The following DNHD1 variants were observed in gnomAD, a reference collection of about 807,000 sequenced individuals.
DNHD1 encodes dynein heavy chain domain 1, also known as dynein heavy chain domain-containing protein 1.
DNHD1 carries 383 observed loss-of-function variants against 458.1 expected under a neutral mutation model. The observed-to-expected ratio is 0.84, with a 90% confidence interval of 0.77 to 0.91. The LOEUF (loss-of-function observed/expected upper bound fraction) is 0.91, where lower values mean the gene tolerates loss of function less well. Among genes scored for constraint, DNHD1 ranks in the 40% least tolerant of loss-of-function variants. The probability of loss-of-function intolerance (pLI) is 0.00; values close to 1 mark genes in which losing one functional copy is unlikely to be tolerated. For synonymous variants in DNHD1, 2,203 were observed against 2,376.9 expected (o/e 0.93, Z 2.13); for missense variants, 5,336 against 5,866.1 (o/e 0.91, Z 2.95).
chr11:6,571,313 G>A lies in DNHD1; in HGVS notation c.13801G>A (p.Ala4601Thr), dbSNP rs1307488053. The A allele has an allele frequency of 3.7e-6, 6 of 1,612,212 alleles. No individual in the cohort carries two copies. The highest frequency in any genetic ancestry group is 1.7e-5 in the Admixed American group (1 of 59,920). The change falls in exon 42 of 43, where the codon GCC becomes ACC. Residue 4601 changes from alanine (A) to threonine (T), a missense_variant. Transcript: ENST00000254579. The surrounding 1 kb of genome is among the most constrained non-coding windows in gnomAD (Gnocchi z 5.0). ...RLLLALRGEA[A>T]LDQNVPSSNF... The stretch of plus-strand genomic sequence containing the variant: ...GCTGCTGGCATTGCGTGGGGAAGCT[G>A]CCCTGGACCAGAATGTGCCCAGCTC...
intron 4 of DNHD1, among the ~76,000 whole-genome samples, chr11:6,504,743 C>G (rs557330968): frequency 6.6e-6 from 1 of 152,322 alleles, no homozygotes; most frequent in Admixed American, 6.5e-5. Flanking sequence ...GCCAACGTGC[C>G]TGGCCCAGCC....
chr11:6,553,814 A>T (rs1853409422), intron 24 of DNHD1, among the ~76,000 whole-genome samples: 1 of 152,200 alleles, frequency 6.6e-6, no homozygotes, highest in Admixed American at 6.5e-5. Context: ...TACACTGAAA[A>T]TGACTAAATA....
Position 6,545,356 on chromosome 11 carries a change from C to T in DNHD1, c.4417C>T (p.Arg1473Ter). 5 of 1,551,746 alleles carry T rather than the reference C, an allele frequency of 3.2e-6. No individual in the cohort carries two copies. The highest frequency in any genetic ancestry group is 3.9e-5 in the Admixed American group (2 of 51,000). Residue 1473 changes from arginine to a stop codon, truncating the protein, a stop_gained, in exon 21 of 43, where the codon CGA becomes TGA. Transcript: ENST00000254579. LOFTEE classifies it high-confidence loss of function. The surrounding 1 kb of genome is among the most constrained non-coding windows in gnomAD (Gnocchi z 4.9). The part of the protein sequence containing the change: ...LQGCVAARLA[R>*]GPSLGEALKQ... ...GGGCTGTGTGGCTGCTCGCCTTGCT[C>T]GAGGCCCATCTCTAGGTGAGGCCCT...
chr11:6,548,899 C>T lies in DNHD1; in HGVS notation c.7353C>T (p.Leu2451=). The change falls in exon 24 of 43, where the codon CTC becomes CTT. Residue 2451 remains leucine (L), a synonymous_variant. Coordinates refer to ENST00000254579, the MANE Select transcript of DNHD1 (RefSeq NM_144666.3). This position sits in a 1 kb window ranked among gnomAD's most constrained non-coding sequence, Gnocchi z 4.4. The part of the protein sequence containing the change: ...GHHQDSKPSL[L]FLLEDLHLAT... ...ACCAGGATTCTAAACCCTCCCTCCT[C>T]TTCTTGCTGGAGGACCTGCACCTAG... 1.3e-6 allele frequency: 2 copies of T among 1,551,758 alleles called. No individual in the cohort carries two copies. Among genetic ancestry groups the T allele is most frequent in the Non-Finnish European group, 1.7e-6 (2 of 1,147,006 alleles).
At position 6,528,695 on chromosome 11, in the gene DNHD1, T is replaced by G; in HGVS notation, c.2011T>G (p.Tyr671Asp). ...EVRGCRLRGQ[Y>D]FPHNYKQLEE... ...CCGTGGATGTCGGCTGCGGGGCCAA[T>G]ACTTCCCCCACAATTATAAGCAGCT... Residue 671 changes from tyrosine (Y) to aspartate (D), a missense_variant, in exon 11 of 43, where the codon TAC (tyrosine) becomes GAC (aspartate). Around this residue, in one of 4 missense-constraint regions of DNHD1, gnomAD observed 3,932 missense variants for 4,365.6 expected, o/e 0.90. Transcript: ENST00000254579. 6.4e-7 allele frequency: 1 copy of G among 1,551,660 alleles called. No individual in the cohort carries two copies. The highest frequency in any genetic ancestry group is 8.7e-7 in the Non-Finnish European group (1 of 1,147,006).
At chr11:6,537,312 C>T (rs1852973876) in intron 14 of DNHD1, among the ~76,000 whole-genome samples, 1 of 152,046 alleles carries the variant, frequency 6.6e-6, no homozygotes, top group Non-Finnish European at 1.5e-5. Flanking sequence ...TTTTTATATT[C>T]ATCTTGCTGA....
Position 6,547,944 on chromosome 11 carries a change from G to T in DNHD1, c.6809G>T (p.Ser2270Ile). ...SSFLNRSQVD[S>I]DDVPDKCREH... ...TTTCTAAACCGGTCCCAGGTTGACA[G>T]TGACGATGTGCCAGATAAGTGCAGG... The change falls in exon 22 of 43, where the codon AGT becomes ATT. Residue 2270 changes from serine to isoleucine, a missense_variant. Coordinates refer to ENST00000254579, the MANE Select transcript of DNHD1 (RefSeq NM_144666.3). 6.4e-7 allele frequency: 1 copy of T among 1,551,932 alleles called. No homozygotes were observed.
rs1483799918 is a variant in DNHD1 at position 6,571,939 on chromosome 11, A to G, written c.14215A>G (p.Thr4739Ala). The G allele has an allele frequency of 7.4e-6, 12 of 1,613,444 alleles. No homozygotes were observed. Among genetic ancestry groups the G allele is most frequent in the Non-Finnish European group, 9.3e-6 (11 of 1,179,718 alleles). ...LPLPTKLTPN[T>A]CVQRRVHVCS... ...TTTACCCACCAAGCTCACCCCCAAC[A>G]CCTGTGTCCAAAGGAGGGTCCATGT... The change falls in exon 43 of 43, where the codon ACC becomes GCC. Residue 4739 changes from threonine to alanine, a missense_variant. By Grantham distance (58) the Thr-to-Ala change is moderately conservative. Transcript: ENST00000254579. This position sits in a 1 kb window ranked among gnomAD's most constrained non-coding sequence, Gnocchi z 5.0.
At chr11:6,570,550 G>A (rs1395306900) in intron 41 of DNHD1, 68 bp from the exon 42 acceptor site, 4 of 1,494,838 alleles carry the variant, frequency 2.7e-6, no homozygotes, top group Admixed American at 2.2e-5. Context: ...TCAGAGGAAG[G>A]CCTACTCTCT....
In DNHD1 at chr11:6,571,301, C is replaced by T. The variant is rs1208265806; in HGVS notation, c.13789C>T (p.Arg4597Cys). 1 of 1,612,154 alleles carries T rather than the reference C, an allele frequency of 6.2e-7. No homozygotes were observed. The highest frequency in any genetic ancestry group is 1.1e-5 in the South Asian group (1 of 90,834). The part of the protein sequence containing the change: ...RHPRRLLLAL[R>C]GEAALDQNVP... ...CCCGCGCCGCCTGCTGCTGGCATTG[C>T]GTGGGGAAGCTGCCCTGGACCAGAA... The change falls in exon 42 of 43, where the codon CGT becomes TGT. Residue 4597 changes from arginine (R) to cysteine (C), a missense_variant. Around this residue, in one of 4 missense-constraint regions of DNHD1, gnomAD observed 698 missense variants for 664.9 expected, o/e 1.05. Coordinates refer to ENST00000254579, the MANE Select transcript of DNHD1 (RefSeq NM_144666.3). The surrounding 1 kb of genome is among the most constrained non-coding windows in gnomAD (Gnocchi z 5.0).
At position 6,528,543 on chromosome 11, in the gene DNHD1, C is replaced by G; in HGVS notation, c.1859C>G (p.Ser620Ter). 2.6e-6 allele frequency: 4 copies of G among 1,550,530 alleles called. No individual in the cohort carries two copies. Among genetic ancestry groups the G allele is most frequent in the Non-Finnish European group, 3.5e-6 (4 of 1,146,084 alleles). Residue 620 changes from serine (S) to a stop codon, truncating the protein, a stop_gained, in exon 11 of 43, where the codon TCA (serine) becomes TGA (stop). Transcript: ENST00000254579. LOFTEE classifies it high-confidence loss of function. ...YSEEEDEEED[S>*]KDEFLMPKFQ... The stretch of plus-strand genomic sequence containing the variant: ...CTAGAAGAAGATGAAGAGGAGGACT[C>G]AAAAGACGAATTTCTGATGCCCAAG...
chr11:6,546,260 C>T lies in DNHD1; in HGVS notation c.5321C>T (p.Thr1774Ile). ...APLYQEASRN[T>I]STIDPTQPQL... is the part of the protein sequence containing the mutation. ...CTGTACCAGGAGGCTTCCCGAAACA[C>T]AAGCACCATAGACCCCACCCAGCCC... The change falls in exon 21 of 43, where the codon ACA (threonine) becomes ATA (isoleucine). Residue 1774 changes from threonine (T) to isoleucine (I), a missense_variant. By Grantham distance (89) the Thr-to-Ile change is moderately conservative. Transcript: ENST00000254579. The T allele has an allele frequency of 1.3e-6, 2 of 1,552,360 alleles. No homozygotes were observed. The highest frequency in any genetic ancestry group is 1.7e-6 in the Non-Finnish European group (2 of 1,147,150).
rs1438788392 is a variant in DNHD1 at position 6,546,066 on chromosome 11, G to T, written c.5127G>T (p.Val1709=). ...SLAQALGRQL[V]MLPCSPQIEA... Reference sequence around the variant, plus strand: ...CACAGGCCCTGGGCCGCCAGCTGGTGATGCTACCCTGCTCACCTCAGATAG... The same window carrying T: ...CACAGGCCCTGGGCCGCCAGCTGGTTATGCTACCCTGCTCACCTCAGATAG... Residue 1709 remains valine, a synonymous_variant, in exon 21 of 43, where the codon GTG becomes GTT. Transcript: ENST00000254579. 1 of 1,551,196 alleles carries T rather than the reference G, an allele frequency of 6.4e-7. No individual in the cohort carries two copies.
intron 7 of DNHD1, among the ~76,000 whole-genome samples, chr11:6,518,257 TCA>T (rs1852530933): frequency 6.6e-6 from 1 of 152,162 alleles, no homozygotes; most frequent in South Asian, 2.1e-4. Flanking sequence ...AGATCGGGTT[TCA>T]CCATGTTGCC....
intron 28 of DNHD1, among the ~76,000 whole-genome samples, chr11:6,562,562 A>C (rs1320667470): frequency 6.6e-6 from 1 of 152,152 alleles, no homozygotes; most frequent in African/African-American, 2.4e-5. Context: ...GGGCTGACAG[A>C]GGAAGAGAAT....
In DNHD1 at chr11:6,534,154, C is replaced by T. The variant is rs568985099; in HGVS notation, c.2979C>T (p.His993=). ...NTVSDLSELH[H]AYAIFTEDET... is the part of the protein sequence containing the mutation. ...TCAGCGACCTCAGTGAACTGCACCA[C>T]GCCTATGCCATCTTCACTGGTACTG... The change falls in exon 14 of 43, where the codon CAC becomes CAT. Residue 993 remains histidine (H), a synonymous_variant. Coordinates refer to ENST00000254579, the MANE Select transcript of DNHD1 (RefSeq NM_144666.3). 63 of 1,551,098 alleles carry T rather than the reference C, an allele frequency of 4.1e-5. No homozygotes were observed. Among genetic ancestry groups the T allele is most frequent in the Middle Eastern group, 1.7e-4 (1 of 5,990 alleles).
At chr11:6,555,876 G>A (rs1379553945) in intron 24 of DNHD1, among the ~76,000 whole-genome samples, 1 of 152,184 alleles carries the variant, frequency 6.6e-6, no homozygotes, top group African/African-American at 2.4e-5. Context: ...CATTGGGGTG[G>A]TGATGACACA....
At chr11:6,553,735 A>G (rs1333057168) in intron 24 of DNHD1, among the ~76,000 whole-genome samples, 1 of 152,222 alleles carries the variant, frequency 6.6e-6, no homozygotes, top group African/African-American at 2.4e-5. Flanking sequence ...ATTTTAAAAT[A>G]TCACTTAAAA....
rs2134379419 is a variant in DNHD1 at position 6,511,412 on chromosome 11, A to G, written c.1375A>G (p.Thr459Ala). The G allele has an allele frequency of 1.2e-6, 2 of 1,614,222 alleles. No individual in the cohort carries two copies. Among genetic ancestry groups the G allele is most frequent in the Admixed American group, 1.7e-5 (1 of 60,028 alleles). ...GCTCCATCGTTGCCTAAACCTCTGC[A>G]CATCCATTCTTCGACTGGTAAGAGG... ...RLLHRCLNLC[T>A]SILRLVHEDT... Residue 459 changes from threonine (T) to alanine (A), a missense_variant, in exon 7 of 43, where the codon ACA becomes GCA. This residue lies in a region of DNHD1 where 3,932 missense variants were observed against 4,365.6 expected (regional missense o/e 0.90). Coordinates refer to ENST00000254579, the MANE Select transcript of DNHD1 (RefSeq NM_144666.3).
Sources: gnomAD v4.1 joint callset for allele counts (sites outside exome capture counted in the v4.1 genomes callset) on GRCh38, gnomAD v4.1.1 for gene constraint, gnomAD v4.1.1 regional missense constraint, Gnocchi (gnomAD v3.1) non-coding constraint, MANE v1.5 for transcripts, NCBI Gene and HGNC (gene_info 2026-07-23, HGNC 2026-07-21) for gene names.